The following NAV1 variants were observed in gnomAD, a reference collection of about 807,000 sequenced individuals.
NAV1 encodes pore membrane and/or filament interacting like protein 3.
A neutral mutation model predicts 175.2 loss-of-function variants in NAV1; 18 were observed. That is an observed-to-expected ratio of 0.10 (90% CI 0.07 to 0.15). The LOEUF is 0.15. Ranked by LOEUF, NAV1 falls within the 10% of genes least tolerant of loss-of-function variation. The pLI is 1.00. For missense variants in NAV1, 1,731 were observed against 2,436.6 expected (o/e 0.71, Z 6.10); for synonymous variants, 897 against 978.7 (o/e 0.92, Z 1.56).
At chr1:201,747,126 A>G (rs1202238557) in intron 3 of NAV1, among the ~76,000 whole-genome samples, 2 of 152,194 alleles carry the variant, frequency 1.3e-5, no homozygotes, top group African/African-American at 4.8e-5. Context: ...CAGTGGATCA[A>G]TAGGTAATGT....
At chr1:201,798,230 A>T (rs1677584800) in intron 15 of NAV1, 1 of 152,196 alleles carries the variant, frequency 6.6e-6, no homozygotes, top group Non-Finnish European at 1.5e-5. Flanking sequence ...ACCCTGGCTC[A>T]GGTTTTTATC....
At chr1:201,598,749 G>A (rs964540774) in intron 2 of NAV1, among the ~76,000 whole-genome samples, 1 of 152,172 alleles carries the variant, frequency 6.6e-6, no homozygotes, top group Non-Finnish European at 1.5e-5. Context: ...AGTGGGTGAG[G>A]GCAGTCATCG....
chr1:201,581,822 C>T (rs1666871543), intron 1 of NAV1, among the ~76,000 whole-genome samples: 1 of 151,566 alleles, frequency 6.6e-6, no homozygotes, highest in Admixed American at 6.6e-5. Flanking sequence ...TAGCCAGGCT[C>T]TGTATCAAAA....
intron 1 of NAV1, among the ~76,000 whole-genome samples, chr1:201,550,985 C>A (rs116349281): frequency 2.0e-5 from 3 of 152,190 alleles, no homozygotes; most frequent in African/African-American, 7.2e-5. Flanking sequence ...CTCTATGGTC[C>A]GTGCTGAATG....
intron 3 of NAV1, among the ~76,000 whole-genome samples, chr1:201,734,633 G>A (rs572156545): frequency 6.6e-6 from 1 of 152,236 alleles, no homozygotes; most frequent in South Asian, 2.1e-4. Flanking sequence ...GAGTGCAGTG[G>A]CATGGGTGCT....
intron 1 of NAV1, among the ~76,000 whole-genome samples, chr1:201,583,886 C>T (rs1454785276): frequency 6.6e-6 from 1 of 152,168 alleles, no homozygotes; most frequent in African/African-American, 2.4e-5. Context: ...CCCAGGGAAA[C>T]TTGGATTGAG....
chr1:201,711,339 G>A (rs1671896985), intron 1 of NAV1, among the ~76,000 whole-genome samples: 1 of 152,232 alleles, frequency 6.6e-6, no homozygotes, highest in South Asian at 2.1e-4. Context: ...CAGAAAAGGT[G>A]CCCAAAAGGC....
chr1:201,679,848 A>G (rs1047583266), intron 1 of NAV1, among the ~76,000 whole-genome samples: 6 of 152,194 alleles, frequency 3.9e-5, no homozygotes, highest in Non-Finnish European at 8.8e-5. Flanking sequence ...ATTCCTATAT[A>G]AATCATAATA....
exon 26 of NAV1, chr1:201,811,960 G>T: frequency 6.2e-7 from 1 of 1,614,148 alleles, no homozygotes; most frequent in Non-Finnish European, 8.5e-7. Context: ...ACCATGGCTT[G>T]CACTTGAGCT....
chr1:201,730,102 C>T (rs1459373143), intron 3 of NAV1, among the ~76,000 whole-genome samples: 2 of 152,206 alleles, frequency 1.3e-5, no homozygotes, highest in East Asian at 3.9e-4. Context: ...GGAGCCTTTC[C>T]TGATTCATCA....
rs534241154 is a variant in NAV1, at chr1:201,608,586, C to A, written c.-32-14267C>A. ...CAGCATGACAGGGAAACAGAGGAGGCACTTTTCCAGCTTTGCTGACAGAAG... is the reference window on the plus strand; with the variant it reads ...CAGCATGACAGGGAAACAGAGGAGGAACTTTTCCAGCTTTGCTGACAGAAG... On this transcript the variant is annotated intron_variant, in intron 2 of 33. Transcript: ENST00000685211. Among the ~76,000 whole-genome samples the A allele has an allele frequency of 2.1e-4, 32 of 152,364 alleles. 1 individual carries two copies. The South Asian group carries it at 5.4e-3, about 26-fold the overall frequency.
intron 1 of NAV1, among the ~76,000 whole-genome samples, chr1:201,696,690 G>A (rs149823297): frequency 3.9e-5 from 6 of 152,178 alleles, no homozygotes; most frequent in African/African-American, 9.7e-5. Context: ...CCTGGCGTCC[G>A]CCTCTGTTGT....
chr1:201,682,917 C>T (rs528800691), intron 1 of NAV1, among the ~76,000 whole-genome samples: 111 of 152,288 alleles, frequency 7.3e-4, no homozygotes, highest in African/African-American at 2.6e-3. Flanking sequence ...ACCCCACCCC[C>T]GTTTCCCCTG....
chr1:201,674,390 TTG>T (rs781571313), intron 1 of NAV1, among the ~76,000 whole-genome samples: 15,736 of 138,670 alleles, frequency 0.11, 1,056 homozygotes, highest in African/African-American at 0.2. Context: ...TGAGTGTGTG[TTG>T]GGGGGGGTTG....
intron 3 of NAV1, among the ~76,000 whole-genome samples, chr1:201,757,114 T>C (rs546577708): frequency 7.2e-5 from 11 of 152,088 alleles, no homozygotes; most frequent in Non-Finnish European, 1.3e-4. Context: ...GCAATCCCCA[T>C]TAACTCTCTG....
chr1:201,748,301 G>T (rs1673897073), intron 3 of NAV1, among the ~76,000 whole-genome samples: 1 of 152,136 alleles, frequency 6.6e-6, no homozygotes. Flanking sequence ...TTTTATGGGT[G>T]CATCTCATGT....
At chr1:201,760,095 G>C (rs1674747305) in intron 3 of NAV1, among the ~76,000 whole-genome samples, 1 of 152,162 alleles carries the variant, frequency 6.6e-6, no homozygotes, top group Admixed American at 6.6e-5. Flanking sequence ...ACTGGAATTA[G>C]GAAATCTAGC....
intron 1 of NAV1, among the ~76,000 whole-genome samples, chr1:201,575,120 G>T (rs1346148257): frequency 6.6e-6 from 1 of 152,222 alleles, no homozygotes; most frequent in Non-Finnish European, 1.5e-5. Flanking sequence ...GGCTGAAAGT[G>T]ACTTAACTTT....
At chr1:201,756,808 CCTTCTTTCTTTCTTTCTTTCTT>C (rs1674499590) in intron 3 of NAV1, among the ~76,000 whole-genome samples, 1 of 22,760 alleles carries the variant, frequency 4.4e-5, no homozygotes, top group East Asian at 5.8e-4. Context: ...TTCTTTCTTT[CCTTCTTTCTTTCTTTCTTTCTT>C]TCTTTCTTTC....
Sources: gnomAD v4.1 joint callset for allele counts (sites outside exome capture counted in the v4.1 genomes callset) on GRCh38, gnomAD v4.1.1 for gene constraint, MANE v1.5 for transcripts, NCBI Gene and HGNC (gene_info 2026-07-23, HGNC 2026-07-21) for gene names.